MBP: variants seen among roughly 807,000 people sequenced by gnomAD.
MBP encodes the protein myelin basic protein.
Under a neutral mutation model 35.8 loss-of-function variants are expected in MBP, and 16 were observed. The ratio of observed to expected loss-of-function variants is 0.45; its 90% CI spans 0.30 to 0.68. The LOEUF (loss-of-function observed/expected upper bound fraction) is 0.68. Ranked by LOEUF, MBP falls within the 30% of genes least tolerant of loss-of-function variation. MBP has a pLI of 0.08. For missense variants in MBP, 380 were observed against 404.7 expected (o/e 0.94, Z 0.52); for synonymous variants, 143 against 159.6 (o/e 0.90, Z 0.78).
chr18:76,997,143 A>G (rs1970317292), intron 4 of MBP, among the ~76,000 whole-genome samples: 1 of 152,212 alleles, frequency 6.6e-6, no homozygotes, highest in Non-Finnish European at 1.5e-5. Flanking sequence ...GCTTTCTGCA[A>G]GCATCTTCCC....
chr18:77,030,955 A>G (rs921343943), intron 3 of MBP, among the ~76,000 whole-genome samples: 2 of 152,190 alleles, frequency 1.3e-5, no homozygotes, highest in Non-Finnish European at 2.9e-5. Flanking sequence ...GCAACCTGGT[A>G]TCTGTGGAAG....
At chr18:76,984,083 C>T (rs974736214) in intron 8 of MBP, 4 of 152,142 alleles carry the variant, frequency 2.6e-5, no homozygotes, top group Admixed American at 2.6e-4. Context: ...TAATGAGAGC[C>T]GCTGTCTAAG....
chr18:77,055,984 C>G (rs896207913), intron 3 of MBP, among the ~76,000 whole-genome samples: 11 of 152,282 alleles, frequency 7.2e-5, no homozygotes, highest in African/African-American at 2.2e-4. Context: ...CCCGACTCCT[C>G]TTACACATCC....
intron 3 of MBP, among the ~76,000 whole-genome samples, chr18:77,034,108 A>G (rs1446664576): frequency 8.4e-6 from 1 of 119,602 alleles, no homozygotes; most frequent in East Asian, 2.7e-4. Flanking sequence ...TAATCACAGG[A>G]GCCTTTAGGC....
intron 1 of MBP, among the ~76,000 whole-genome samples, chr18:77,128,292 G>T (rs1977122436): frequency 6.6e-6 from 1 of 152,182 alleles, no homozygotes; most frequent in Admixed American, 6.5e-5. Flanking sequence ...TCGAAAGGTT[G>T]CATAGTGTAT....
rs1969042295 is a variant in MBP at position 76,979,069 on chromosome 18, A to G, written c.*1358T>C. On this transcript the variant is annotated 3_prime_UTR_variant, in exon 9 of 9. Transcript: ENST00000355994. Reference sequence around the variant, plus strand: ...TATTAATAGACATGGTATTAAGCCCACACGAAACATTCAGAATTAGAATTG... The same window carrying G: ...TATTAATAGACATGGTATTAAGCCCGCACGAAACATTCAGAATTAGAATTG... 6.6e-6 allele frequency: 1 copy of G among 152,208 alleles called. No individual in the cohort carries two copies. 9.4% of individuals were successfully genotyped at this position (152,208 alleles called of 1,614,324 possible).
intron 3 of MBP, among the ~76,000 whole-genome samples, chr18:77,064,669 A>T (rs1568320996): frequency 6.6e-6 from 1 of 152,256 alleles, no homozygotes; most frequent in African/African-American, 2.4e-5. Flanking sequence ...GAACAAAAAA[A>T]ATCGGCATAA....
At chr18:77,073,356 G>T (rs1358729174) in intron 2 of MBP, among the ~76,000 whole-genome samples, 4 of 152,202 alleles carry the variant, frequency 2.6e-5, no homozygotes, top group African/African-American at 9.7e-5. Context: ...AAGTTTTGTG[G>T]ATGCTCATGA....
chr18:77,017,066 G>A lies in MBP; in HGVS notation c.342C>T (p.Ser114=), dbSNP rs544518607. 4 of 1,612,560 alleles carry A rather than the reference G, an allele frequency of 2.5e-6. No homozygotes were observed. Among genetic ancestry groups the A allele is most frequent in the African/African-American group, 2.7e-5 (2 of 74,946 alleles). Residue 114 remains serine, a synonymous_variant, in exon 4 of 9, where the codon TCC becomes TCT. Transcript: ENST00000355994. ...DNTFKDRPSE[S]DELQTIQEDS... ...CTTCTTGGATGGTCTGGAGCTCGTC[G>A]GACTCAGAGGGCCTGTCTTTGAAGG...
rs113296665 is a variant in MBP, at chr18:77,102,188, C to T, written c.51+3023G>A. ...GGAGGGGGCCCTCAGCAGCCTGGGCCGGGCAGTGGGGCAGAGGCAGTGTGT... is the reference window on the plus strand; with the variant it reads ...GGAGGGGGCCCTCAGCAGCCTGGGCTGGGCAGTGGGGCAGAGGCAGTGTGT... On this transcript the variant is annotated intron_variant, in intron 2 of 8. Transcript: ENST00000355994. This position sits in a 1 kb window ranked among gnomAD's most constrained non-coding sequence, Gnocchi z 4.4. Among the ~76,000 whole-genome samples the T allele has an allele frequency of 7.2e-5, 11 of 152,156 alleles. No homozygotes were observed. The highest frequency in any genetic ancestry group is 2.1e-4 in the South Asian group (1 of 4,818).
intron 4 of MBP, among the ~76,000 whole-genome samples, chr18:77,009,692 G>T (rs1971218869): frequency 6.6e-6 from 1 of 152,272 alleles, no homozygotes; most frequent in South Asian, 2.1e-4. Flanking sequence ...CCCTGGGGGA[G>T]GCCTGCCTCC....
At chr18:77,085,680 T>A (rs1260028422) in intron 2 of MBP, among the ~76,000 whole-genome samples, 2 of 130,044 alleles carry the variant, frequency 1.5e-5, no homozygotes, top group African/African-American at 2.7e-5. Context: ...ATCAGTGCAA[T>A]AAGTTTTTTT....
chr18:77,045,008 G>A (rs543460674), intron 3 of MBP, among the ~76,000 whole-genome samples: 7 of 151,806 alleles, frequency 4.6e-5, no homozygotes, highest in Admixed American at 2.6e-4. Context: ...CCTACATAAC[G>A]GGATACACAC....
intron 3 of MBP, 67 bp downstream of exon 3, chr18:77,066,231 C>G: frequency 8.4e-7 from 1 of 1,190,142 alleles, no homozygotes; most frequent in Non-Finnish European, 1.2e-6. Context: ...AAAGGCTTCC[C>G]CGAGTGAGAG....
intron 8 of MBP, 33 bp from the exon 9 acceptor site, chr18:76,980,504 G>C (rs780429241): frequency 6.4e-7 from 1 of 1,564,846 alleles, no homozygotes; most frequent in Non-Finnish European, 8.8e-7. Context: ...TAGGACGAGA[G>C]TGCCGCAGGG....
In MBP at chr18:77,116,600, A is replaced by G. The variant is rs539215585; in HGVS notation, c.-25-11314T>C. On this transcript the variant is annotated intron_variant, in intron 1 of 8. Coordinates refer to ENST00000355994, the MANE Select transcript of MBP (RefSeq NM_001025101.2). Reference sequence around the variant, plus strand: ...GTACAAGGAGGCAAGTGCTATTATTATGCTCCCCACTTTACAGACGTTGAA... The same window carrying G: ...GTACAAGGAGGCAAGTGCTATTATTGTGCTCCCCACTTTACAGACGTTGAA... Among the ~76,000 whole-genome samples, 4 of 152,290 alleles carry G rather than the reference A, an allele frequency of 2.6e-5. No individual in the cohort carries two copies. In the South Asian group the frequency reaches 8.3e-4, roughly 32 times the overall value.
chr18:77,032,619 T>G (rs1972586306), intron 3 of MBP, among the ~76,000 whole-genome samples: 1 of 152,204 alleles, frequency 6.6e-6, no homozygotes. Flanking sequence ...TCCTTCCTCC[T>G]TCAGCGCGGT....
At position 77,100,553 on chromosome 18, in the gene MBP, G is replaced by GT. The variant is rs1291781559; in HGVS notation, c.51+4657dup. Among the ~76,000 whole-genome samples the GT allele has an allele frequency of 0.013, 1,658 of 123,872 alleles. 76 individuals carry two copies. In the South Asian group the frequency reaches 0.15, roughly 11 times the overall value. The allele number at this position is 123,872 out of a possible 152,430, so 81.3% of individuals were successfully genotyped here. On this transcript the variant is annotated intron_variant, in intron 2 of 8. Transcript: ENST00000355994. ...TGTGTGTGTGTGTGTGTGTTTTGTG[G>GT]TTTTTTCTTTTTTTTGAGACAGGGT...
At chr18:77,032,371 C>G (rs1246193797) in intron 3 of MBP, among the ~76,000 whole-genome samples, 1 of 152,236 alleles carries the variant, frequency 6.6e-6, no homozygotes, top group Non-Finnish European at 1.5e-5. Flanking sequence ...AAAACTTTCC[C>G]ACAAACGAGG....
Sources: gnomAD v4.1 joint callset for allele counts (sites outside exome capture counted in the v4.1 genomes callset) on GRCh38, gnomAD v4.1.1 for gene constraint, Gnocchi (gnomAD v3.1) non-coding constraint, MANE v1.5 for transcripts, NCBI Gene and HGNC (gene_info 2026-07-23, HGNC 2026-07-21) for gene names.